ABCC5: variants seen among roughly 807,000 people sequenced by gnomAD.
The protein encoded by ABCC5 is ATP-binding cassette sub-family C member 5.
Under a neutral mutation model 160.9 loss-of-function variants are expected in ABCC5, and 61 were observed. That is an observed-to-expected ratio of 0.38 (90% CI 0.31 to 0.47). The LOEUF (loss-of-function observed/expected upper bound fraction) is 0.47. Among genes scored for constraint, ABCC5 ranks in the 20% least tolerant of loss-of-function variants. The pLI, the probability that ABCC5 is intolerant of heterozygous loss-of-function variation, is 0.99. For missense variants in ABCC5, 1,308 were observed against 1,813.3 expected, an observed-to-expected ratio of 0.72 and a Z score of 5.06; for synonymous variants, 666 against 700.6, an observed-to-expected ratio of 0.95 and a Z score of 0.78.
chr3:183,965,560 C>G (rs928205030), intron 12 of ABCC5, 59 bp from the exon 13 acceptor site: 2 of 1,597,274 alleles, frequency 1.3e-6, no homozygotes, highest in African/African-American at 2.7e-5. Context: ...CCTATGCCAA[C>G]GGAACCCCCA....
intron 2 of ABCC5, 52 bp from the exon 3 acceptor site, chr3:183,989,435 G>A (rs1719539123): frequency 6.3e-7 from 1 of 1,586,382 alleles, no homozygotes; most frequent in Non-Finnish European, 8.6e-7. Flanking sequence ...ACACAGGCGA[G>A]AGGCAAACGG....
chr3:183,939,045 T>C (rs929534337), intron 25 of ABCC5, among the ~76,000 whole-genome samples: 1 of 152,240 alleles, frequency 6.6e-6, no homozygotes, highest in African/African-American at 2.4e-5. Context: ...TCTCCCATAA[T>C]CTCACTTCTA....
chr3:183,945,456 G>T (rs112715203), intron 24 of ABCC5, among the ~76,000 whole-genome samples: 58 of 152,188 alleles, frequency 3.8e-4, no homozygotes, highest in Non-Finnish European at 6.9e-4. Flanking sequence ...CCAGAGATGA[G>T]GCCACGTTTG....
At chr3:183,936,698 C>A (rs951703790) in intron 26 of ABCC5, among the ~76,000 whole-genome samples, 1 of 152,090 alleles carries the variant, frequency 6.6e-6, no homozygotes, top group African/African-American at 2.4e-5. Context: ...TTAGTAGAGA[C>A]GGGGTTTCAC....
chr3:183,982,989 G>A lies in ABCC5; in HGVS notation c.610C>T (p.Leu204Phe). 1 of 1,614,158 alleles carries A rather than the reference G, an allele frequency of 6.2e-7. No individual in the cohort carries two copies. Among genetic ancestry groups the A allele is most frequent in the East Asian group, 2.2e-5 (1 of 44,876 alleles). ...TCTGTTGCCTGGGTATACTCCAAGA[G>A]GTGTTTCACCATGAAGGCCTACAGG... is the stretch of plus-strand genomic sequence containing the variant. ...FSGPAFMVKH[L>F]LEYTQATESN... The change falls in exon 6 of 30, where the codon CTC becomes TTC. Residue 204 changes from leucine to phenylalanine, a missense_variant. By Grantham distance (22) the Leu-to-Phe change is conservative. Around this residue, in one of 3 missense-constraint regions of ABCC5, gnomAD observed 1,142 missense variants for 1,527.1 expected, o/e 0.75. Coordinates refer to ENST00000334444, the MANE Select transcript of ABCC5 (RefSeq NM_005688.4). This position sits in a 1 kb window ranked among gnomAD's most constrained non-coding sequence, Gnocchi z 5.2.
At chr3:183,929,738 G>A (rs1038950407) in intron 26 of ABCC5, among the ~76,000 whole-genome samples, 2 of 152,110 alleles carry the variant, frequency 1.3e-5, no homozygotes, top group Non-Finnish European at 2.9e-5. Context: ...CCAAAAGAAC[G>A]AGACTAGAAA....
chr3:183,987,578 C>T lies in ABCC5; in HGVS notation c.591+192G>A, dbSNP rs1203985426. The T allele has an allele frequency of 1.9e-5, 14 of 719,252 alleles. No homozygotes were observed. Among genetic ancestry groups the T allele is most frequent in the African/African-American group, 3.5e-5 (2 of 56,920 alleles). The allele number at this position is 719,252 out of a possible 1,614,324, so 44.6% of individuals were successfully genotyped here. On this transcript the variant is annotated intron_variant, in intron 5 of 29. Transcript: ENST00000334444. This position sits in a 1 kb window ranked among gnomAD's most constrained non-coding sequence, Gnocchi z 4.2. ...AGAAATCAAGCCAGTTCCATTTCTT[C>T]TCTGGCAACACTGCCCTTTCATCCT...
At chr3:183,953,855 G>A (rs1715617056) in intron 17 of ABCC5, among the ~76,000 whole-genome samples, 1 of 152,202 alleles carries the variant, frequency 6.6e-6, no homozygotes, top group South Asian at 2.1e-4. Context: ...AATGGCAGGA[G>A]ATGAGGCCGA....
chr3:183,981,943 A>C (rs780383855), intron 7 of ABCC5, 69 bp from the exon 8 acceptor site: 1 of 1,519,036 alleles, frequency 6.6e-7, no homozygotes, highest in Non-Finnish European at 8.8e-7. Context: ...AATCTGCTTA[A>C]GGTCATTCTC....
At chr3:183,970,591 T>C (rs766032674) in intron 11 of ABCC5, among the ~76,000 whole-genome samples, 9 of 152,026 alleles carry the variant, frequency 5.9e-5, no homozygotes, top group Non-Finnish European at 8.8e-5. Flanking sequence ...ACTATAGGCG[T>C]ACAGCTGGCT....
intron 24 of ABCC5, 29 bp downstream of exon 24, chr3:183,945,821 T>G: frequency 1.3e-6 from 2 of 1,595,498 alleles, no homozygotes; most frequent in South Asian, 2.2e-5. Context: ...AGGAGTCAGA[T>G]CACGGTAAAA....
chr3:183,948,194 T>G (rs1028158431), intron 22 of ABCC5, among the ~76,000 whole-genome samples: 3 of 152,278 alleles, frequency 2.0e-5, no homozygotes, highest in Admixed American at 2.0e-4. Flanking sequence ...GCTGCGCAGA[T>G]GTGCTTTGCT....
chr3:183,940,803 C>T (rs964226593), intron 25 of ABCC5, among the ~76,000 whole-genome samples: 5 of 151,968 alleles, frequency 3.3e-5, no homozygotes, highest in Non-Finnish European at 7.4e-5. Flanking sequence ...CCAAGTTACC[C>T]GTGAAACTTG....
chr3:183,988,634 C>A lies in ABCC5; in HGVS notation c.381G>T (p.Glu127Asp). The A allele has an allele frequency of 6.2e-7, 1 of 1,614,250 alleles. No individual in the cohort carries two copies. The highest frequency in any genetic ancestry group is 8.5e-7 in the Non-Finnish European group (1 of 1,180,038). ...GAGACCACACGTCTTCCATTGAGAGCTCCCCCTTCTTGTGGGCCACACGGG... is the reference window on the plus strand; with the variant it reads ...GAGACCACACGTCTTCCATTGAGAGATCCCCCTTCTTGTGGGCCACACGGG... ...SLARVAHKKG[E>D]LSMEDVWSLS... is the part of the protein sequence containing the mutation. The change falls in exon 4 of 30, where the codon GAG (glutamate) becomes GAT (aspartate). Residue 127 changes from glutamate to aspartate, a missense_variant. Around this residue, in one of 3 missense-constraint regions of ABCC5, gnomAD observed 1,142 missense variants for 1,527.1 expected, o/e 0.75. Coordinates refer to ENST00000334444, the MANE Select transcript of ABCC5 (RefSeq NM_005688.4). This position sits in a 1 kb window ranked among gnomAD's most constrained non-coding sequence, Gnocchi z 4.4.
chr3:183,951,730 A>G lies in ABCC5; in HGVS notation c.2814+127T>C. The stretch of plus-strand genomic sequence containing the variant: ...AAAAGGTGGAGGCTAACGGAATATG[A>G]GTCATCTCAGCCAGGGCCATCCTGG... On this transcript the variant is annotated intron_variant, in intron 19 of 29. Coordinates refer to ENST00000334444, the MANE Select transcript of ABCC5 (RefSeq NM_005688.4). This position sits in a 1 kb window ranked among gnomAD's most constrained non-coding sequence, Gnocchi z 4.7. 6.8e-7 allele frequency: 1 copy of G among 1,468,556 alleles called. No individual in the cohort carries two copies. Among genetic ancestry groups the G allele is most frequent in the Non-Finnish European group, 9.2e-7 (1 of 1,082,392 alleles). The allele number at this position is 1,468,556 out of a possible 1,614,324, so 91.0% of individuals were successfully genotyped here.
chr3:183,990,641 C>T (rs1421484718), intron 2 of ABCC5, among the ~76,000 whole-genome samples: 3 of 152,148 alleles, frequency 2.0e-5, no homozygotes, highest in Admixed American at 1.3e-4. Context: ...GAGAACAGAA[C>T]GTGAGTTCTT....
chr3:183,983,082 T>C (rs1490972625), intron 5 of ABCC5, 75 bp from the exon 6 acceptor site: 6 of 1,367,712 alleles, frequency 4.4e-6, no homozygotes, highest in Non-Finnish European at 1.0e-6. Context: ...TATGTTAAGT[T>C]AGAAAGAGTA....
At chr3:183,992,564 T>C (rs574597918) in intron 2 of ABCC5, among the ~76,000 whole-genome samples, 2 of 152,024 alleles carry the variant, frequency 1.3e-5, no homozygotes, top group East Asian at 1.9e-4. Flanking sequence ...GGTGGGCGGA[T>C]CACGAGGTCA....
chr3:184,012,562 G>T (rs1330183901), intron 2 of ABCC5, among the ~76,000 whole-genome samples: 1 of 152,240 alleles, frequency 6.6e-6, no homozygotes, highest in Non-Finnish European at 1.5e-5. Flanking sequence ...ATACCTTTGG[G>T]TCTGTACTTG....
Sources: gnomAD v4.1 joint callset for allele counts (sites outside exome capture counted in the v4.1 genomes callset) on GRCh38, gnomAD v4.1.1 for gene constraint, gnomAD v4.1.1 regional missense constraint, Gnocchi (gnomAD v3.1) non-coding constraint, MANE v1.5 for transcripts, NCBI Gene and HGNC (gene_info 2026-07-23, HGNC 2026-07-21) for gene names.